POFUT2: variants seen among roughly 807,000 people sequenced by gnomAD.
POFUT2 encodes the protein GDP-fucose protein O-fucosyltransferase 2.
POFUT2 carries 30 observed loss-of-function variants against 55.0 expected under a neutral mutation model. That is an observed-to-expected ratio of 0.55 (90% CI 0.41 to 0.74). The LOEUF is 0.74. Ranked by LOEUF, POFUT2 falls within the 30% of genes least tolerant of loss-of-function variation. The probability of loss-of-function intolerance (pLI) is 0.00; values close to 1 mark genes in which losing one functional copy is unlikely to be tolerated. For missense variants in POFUT2, 524 were observed against 562.6 expected, an observed-to-expected ratio of 0.93 and a Z score of 0.69; for synonymous variants, 267 against 231.1, an observed-to-expected ratio of 1.16 and a Z score of -1.41.
rs564500265 is a variant in POFUT2, at chr21:45,274,868, T to C, written c.831+2149A>G. Among the ~76,000 whole-genome samples, 4 of 152,342 alleles carry C rather than the reference T, an allele frequency of 2.6e-5. No individual in the cohort carries two copies. The South Asian group carries it at 8.3e-4, about 32-fold the overall frequency. On this transcript the variant is annotated intron_variant, in intron 6 of 8. Coordinates refer to ENST00000349485, the MANE Select transcript of POFUT2 (RefSeq NM_133635.6). ...ACATCAGAAAAACTCTTCTAGACAC[T>C]GGCTTAGGCAAAGAGTTCCTGACCA...
At position 45,268,784 on chromosome 21, in the gene POFUT2, C is replaced by T. The variant is rs1308490362; in HGVS notation, c.1012+1055G>A. Among the ~76,000 whole-genome samples the T allele has an allele frequency of 1.0e-4, 15 of 147,408 alleles. No homozygotes were observed. The South Asian group carries it at 2.6e-3, about 26-fold the overall frequency. ...CTGGGAAGTGAGGAGCGTCTCCGCC[C>T]GGCAGCCACCCCGTCCGGGAGGGAG... On this transcript the variant is annotated intron_variant, in intron 7 of 8. Transcript: ENST00000349485.
rs946917611 is a variant in POFUT2, at chr21:45,284,463, G to A, written c.383-936C>T. On this transcript the variant is annotated intron_variant, in intron 2 of 8. Transcript: ENST00000349485. The surrounding 1 kb of genome is among the most constrained non-coding windows in gnomAD (Gnocchi z 5.8). ...TCTTGGCAGCCTCGCCCTAGGACAG[G>A]CACCCAGTTCCTTCCCCACCTCACA... 2.6e-5 allele frequency among the ~76,000 whole-genome samples: 4 copies of A among 152,202 alleles called. No homozygotes were observed. The highest frequency in any genetic ancestry group is 4.4e-5 in the Non-Finnish European group (3 of 68,042).
chr21:45,268,621 G>A (rs953020379), intron 7 of POFUT2, among the ~76,000 whole-genome samples: 2 of 150,860 alleles, frequency 1.3e-5, no homozygotes, highest in East Asian at 2.0e-4. Context: ...TGTGGGGAGC[G>A]CCTCTGCCCC....
At position 45,287,836 on chromosome 21, in the gene POFUT2, C is replaced by T. The variant is rs898393148; in HGVS notation, c.36G>A (p.Gly12=). ...ATLSFVFLLL[G]AVSWPPASAS... ...CAGAAGCCGGAGGCCAGGACACTGC[C>T]CCCAGCAGCAGGAAGACGAAGCTGA... is the stretch of plus-strand genomic sequence containing the variant. The change falls in exon 1 of 9, where the codon GGG becomes GGA. Residue 12 remains glycine, a synonymous_variant. Coordinates refer to ENST00000349485, the MANE Select transcript of POFUT2 (RefSeq NM_133635.6). The T allele has an allele frequency of 8.2e-6, 12 of 1,459,050 alleles. No individual in the cohort carries two copies. The highest frequency in any genetic ancestry group is 1.5e-5 in the African/African-American group (1 of 67,518). The allele number at this position is 1,459,050 out of a possible 1,614,324, so 90.4% of individuals were successfully genotyped here.
At chr21:45,269,248 A>G (rs185787949) in intron 7 of POFUT2, among the ~76,000 whole-genome samples, 3 of 151,028 alleles carry the variant, frequency 2.0e-5, no homozygotes, top group Admixed American at 6.6e-5. Flanking sequence ...TGGGAAGTGA[A>G]GAGCCCCTCT....
intron 1 of POFUT2, among the ~76,000 whole-genome samples, chr21:45,286,665 GCCCCAAGGCACAGACAAGT>G (rs982631625): frequency 3.9e-4 from 59 of 152,126 alleles, no homozygotes; most frequent in East Asian, 1.7e-3. Flanking sequence ...GACACAAAGC[GCCCCAAGGCACAGACAAGT>G]CCCCAAGGCA....
Position 45,284,852 on chromosome 21 carries a change from T to A in POFUT2, c.382+826A>T, listed in dbSNP as rs919996830. 6.6e-6 allele frequency among the ~76,000 whole-genome samples: 1 copy of A among 152,182 alleles called. No homozygotes were observed. Among genetic ancestry groups the A allele is most frequent in the Non-Finnish European group, 1.5e-5 (1 of 68,042 alleles). On this transcript the variant is annotated intron_variant, in intron 2 of 8. Transcript: ENST00000349485. The surrounding 1 kb of genome is among the most constrained non-coding windows in gnomAD (Gnocchi z 5.8). ...ACAAGCAGCAGACTTTCTGACTTGG[T>A]ATCAACAAGGATGTTGGAGGTTACC... is the stretch of plus-strand genomic sequence containing the variant.
Position 45,277,491 on chromosome 21 carries a change from G to T in POFUT2, c.706-349C>A. The T allele has an allele frequency of 3.1e-6, 1 of 318,748 alleles. No homozygotes were observed. Among genetic ancestry groups the T allele is most frequent in the South Asian group, 3.2e-5 (1 of 31,624 alleles). 19.7% of individuals were successfully genotyped at this position (318,748 alleles called of 1,614,324 possible). A position where few individuals can be genotyped will look rare whatever the true frequency, so the allele number is the denominator to read the frequency against. ...CCCCAACTCGACTTCTAGCTTAGGC[G>T]GTTAGCACATCCTGCTTTGCCAAAC... On this transcript the variant is annotated intron_variant, in intron 5 of 8. Coordinates refer to ENST00000349485, the MANE Select transcript of POFUT2 (RefSeq NM_133635.6). The surrounding 1 kb of genome is among the most constrained non-coding windows in gnomAD (Gnocchi z 6.9).
chr21:45,285,671 G>A lies in POFUT2; in HGVS notation c.382+7C>T. ...CCACGGCCTCCCAGCGTGCCGCTCGGCCTCACCTGCGATGAACTGCTCATA... is the reference window on the plus strand; with the variant it reads ...CCACGGCCTCCCAGCGTGCCGCTCGACCTCACCTGCGATGAACTGCTCATA... On this transcript the variant is annotated splice_region_variant and intron_variant, in intron 2 of 8. Coordinates refer to ENST00000349485, the MANE Select transcript of POFUT2 (RefSeq NM_133635.6). The surrounding 1 kb of genome is among the most constrained non-coding windows in gnomAD (Gnocchi z 4.9). 2 of 1,613,582 alleles carry A rather than the reference G, an allele frequency of 1.2e-6. No individual in the cohort carries two copies. The highest frequency in any genetic ancestry group is 1.7e-6 in the Non-Finnish European group (2 of 1,180,002).
Position 45,285,762 on chromosome 21 carries a change from C to A in POFUT2, c.298G>T (p.Val100Phe), listed in dbSNP as rs762131283. The change falls in exon 2 of 9, where the codon GTC (valine) becomes TTC (phenylalanine). Residue 100 changes from valine to phenylalanine, a missense_variant. Val to Phe is a conservative substitution (Grantham distance 50, BLOSUM62 -1). This residue lies in a region of POFUT2 where 274 missense variants were observed against 244.4 expected (regional missense o/e 1.12). Coordinates refer to ENST00000349485, the MANE Select transcript of POFUT2 (RefSeq NM_133635.6). The surrounding 1 kb of genome is among the most constrained non-coding windows in gnomAD (Gnocchi z 4.9). ...AAAAACTCAGACCAGGGAATCCGGA[C>A]CTGGTGGATGTCAGGACTCTGCCAG... ...YHWQSPDIHQ[V>F]RIPWSEFFDL... 6.2e-7 allele frequency: 1 copy of A among 1,613,810 alleles called. No homozygotes were observed. Among genetic ancestry groups the A allele is most frequent in the South Asian group, 1.1e-5 (1 of 91,082 alleles).
chr21:45,269,316 G>A (rs1408067848), intron 7 of POFUT2, among the ~76,000 whole-genome samples: 1 of 152,248 alleles, frequency 6.6e-6, no homozygotes, highest in Admixed American at 6.5e-5. Context: ...AACAGGCCAG[G>A]ATGACAATGG....
At chr21:45,286,599 G>A (rs942055408) in intron 1 of POFUT2, among the ~76,000 whole-genome samples, 2 of 152,144 alleles carry the variant, frequency 1.3e-5, no homozygotes, top group African/African-American at 2.4e-5. Flanking sequence ...CTATTAAAAC[G>A]GCTACAAAAG....
intron 4 of POFUT2, among the ~76,000 whole-genome samples, chr21:45,278,436 T>C (rs556590553): frequency 2.0e-5 from 3 of 152,134 alleles, no homozygotes; most frequent in Admixed American, 2.0e-4. Context: ...ATTTGAGGAG[T>C]GTATTTGACA....
At chr21:45,278,048 T>C in intron 5 of POFUT2, 55 bp downstream of exon 5, 1 of 1,326,208 alleles carries the variant, frequency 7.5e-7, no homozygotes, top group Non-Finnish European at 1.1e-6. Flanking sequence ...TTTCAAAAGC[T>C]AAATAATGGG....
chr21:45,278,127 G>T lies in POFUT2; in HGVS notation c.681C>A (p.His227Gln). Residue 227 changes from histidine (H) to glutamine (Q), a missense_variant, in exon 5 of 9, where the codon CAC (histidine) becomes CAA (glutamine). Physicochemically the swap from His to Gln is conservative, Grantham distance 24. Around this residue, in one of 2 missense-constraint regions of POFUT2, gnomAD observed 250 missense variants for 318.2 expected, o/e 0.79. Coordinates refer to ENST00000349485, the MANE Select transcript of POFUT2 (RefSeq NM_133635.6). The part of the protein sequence containing the change: ...LDRAENLLHD[H>Q]YGGKEYWDTR... The stretch of plus-strand genomic sequence containing the variant: ...CATCCCAGTATTCTTTCCCTCCATA[G>T]TGGTCGTGAAGTAGGTTCTCGGCTC... 1 of 1,613,858 alleles carries T rather than the reference G, an allele frequency of 6.2e-7. No individual in the cohort carries two copies. The highest frequency in any genetic ancestry group is 8.5e-7 in the Non-Finnish European group (1 of 1,179,756).
chr21:45,283,320 GAC>G (rs1569233303), intron 3 of POFUT2, 61 bp downstream of exon 3: 51 of 798,728 alleles, frequency 6.4e-5, no homozygotes, highest in South Asian at 2.0e-4. Flanking sequence ...GGGGGGGGGG[GAC>G]GCATGCGGCA....
chr21:45,280,568 G>T lies in POFUT2; in HGVS notation c.638+1781C>A, dbSNP rs181422830. Among the ~76,000 whole-genome samples the T allele has an allele frequency of 3.2e-4, 48 of 152,326 alleles. No homozygotes were observed. In the Middle Eastern group the frequency reaches 0.01, roughly 32 times the overall value. ...AGGCCTGTCCTCCCGACAGCGGTTG[G>T]TTTCCCGAGCATGACAGCAATGGGG... On this transcript the variant is annotated intron_variant, in intron 4 of 8. Coordinates refer to ENST00000349485, the MANE Select transcript of POFUT2 (RefSeq NM_133635.6).
chr21:45,273,538 T>C (rs1221628925), intron 6 of POFUT2, among the ~76,000 whole-genome samples: 1 of 152,122 alleles, frequency 6.6e-6, no homozygotes, highest in East Asian at 1.9e-4. Context: ...CCAATATCCC[T>C]GATGAACATA....
At position 45,285,646 on chromosome 21, in the gene POFUT2, C is replaced by A; in HGVS notation, c.382+32G>T. 6.2e-7 allele frequency: 1 copy of A among 1,612,846 alleles called. No homozygotes were observed. The highest frequency in any genetic ancestry group is 8.5e-7 in the Non-Finnish European group (1 of 1,179,938). ...TGACTGCCTGGCCCCAGTTAAGCAA[C>A]CACGGCCTCCCAGCGTGCCGCTCGG... On this transcript the variant is annotated intron_variant, in intron 2 of 8. Transcript: ENST00000349485. This position sits in a 1 kb window ranked among gnomAD's most constrained non-coding sequence, Gnocchi z 4.9.
Sources: gnomAD v4.1 joint callset for allele counts (sites outside exome capture counted in the v4.1 genomes callset) on GRCh38, gnomAD v4.1.1 for gene constraint, gnomAD v4.1.1 regional missense constraint, Gnocchi (gnomAD v3.1) non-coding constraint, MANE v1.5 for transcripts, NCBI Gene and HGNC (gene_info 2026-07-23, HGNC 2026-07-21) for gene names.